LYST: variants seen among roughly 807,000 people sequenced by gnomAD.
LYST encodes lysosomal-trafficking regulator.
A neutral mutation model predicts 413.6 loss-of-function variants in LYST; 192 were observed. The observed-to-expected ratio is 0.46, with a 90% confidence interval of 0.41 to 0.52. LYST has a LOEUF of 0.52. LYST is among the 20% of genes least tolerant of loss of function. The pLI is 0.00. For synonymous variants in LYST, 1,525 were observed against 1,567.3 expected, an observed-to-expected ratio of 0.97 and a Z score of 0.64; for missense variants, 3,815 against 4,499.9, an observed-to-expected ratio of 0.85 and a Z score of 4.35.
chr1:235,709,320 G>T lies in LYST; in HGVS notation c.9926-12C>A. On this transcript the variant is annotated splice_polypyrimidine_tract_variant and intron_variant, in intron 43 of 52. Coordinates refer to ENST00000389793, the MANE Select transcript of LYST (RefSeq NM_000081.4). The stretch of plus-strand genomic sequence containing the variant: ...ACCAAAATCAAAACCTAAAAGAGAA[G>T]ATTAATATTAATATTTAACTCCCCC... 6.3e-7 allele frequency: 1 copy of T among 1,590,714 alleles called. No individual in the cohort carries two copies. Among genetic ancestry groups the T allele is most frequent in the Non-Finnish European group, 8.6e-7 (1 of 1,165,212 alleles).
intron 39 of LYST, among the ~76,000 whole-genome samples, chr1:235,721,115 G>A (rs1663327871): frequency 6.6e-6 from 1 of 151,986 alleles, no homozygotes; most frequent in African/African-American, 2.4e-5. Context: ...ATGCTTTACT[G>A]CTGCAGAAAT....
At position 235,823,218 on chromosome 1, in the gene LYST, G is replaced by A. The variant is rs532512679; in HGVS notation, c.192+7008C>T. Reference sequence around the variant, plus strand: ...ACTCTCCATGGATAGCACCACTGTCGAGTGGTTAAGATTTCCACTGTGATC... The same window carrying A: ...ACTCTCCATGGATAGCACCACTGTCAAGTGGTTAAGATTTCCACTGTGATC... On this transcript the variant is annotated intron_variant, in intron 3 of 52. Transcript: ENST00000389793. 2.8e-4 allele frequency among the ~76,000 whole-genome samples: 43 copies of A among 151,884 alleles called. No individual in the cohort carries two copies. In the South Asian group the frequency reaches 8.5e-3, roughly 30 times the overall value.
At chr1:235,873,636 G>C (rs938936926) in intron 1 of LYST, among the ~76,000 whole-genome samples, 1 of 152,114 alleles carries the variant, frequency 6.6e-6, no homozygotes, top group Admixed American at 6.5e-5. Context: ...GTCTATTATT[G>C]AGCATAATTC....
In LYST at chr1:235,778,149, T is replaced by C. The variant is rs181442569; in HGVS notation, c.5215-841A>G. 3.5e-3 allele frequency among the ~76,000 whole-genome samples: 514 copies of C among 144,902 alleles called. 2 individuals carry two copies. The highest frequency in any genetic ancestry group is 7.1e-3 in the Middle Eastern group (2 of 280). On this transcript the variant is annotated intron_variant, in intron 16 of 52. Coordinates refer to ENST00000389793, the MANE Select transcript of LYST (RefSeq NM_000081.4). Reference sequence around the variant, plus strand: ...TTTGTAGAGACATGGTCTTGTTATGTTGCCCAGGCTAGTCTCAAACCCTTG... The same window carrying C: ...TTTGTAGAGACATGGTCTTGTTATGCTGCCCAGGCTAGTCTCAAACCCTTG...
intron 31 of LYST, among the ~76,000 whole-genome samples, chr1:235,739,672 A>G (rs1396484397): frequency 2.6e-5 from 4 of 152,118 alleles, no homozygotes; most frequent in African/African-American, 9.7e-5. Context: ...GTTCTTCCCT[A>G]TAGTAAAGTC....
In LYST at chr1:235,806,455, T is replaced by C. The variant is rs1436434904; in HGVS notation, c.2681A>G (p.His894Arg). Residue 894 changes from histidine (H) to arginine (R), a missense_variant, in exon 6 of 53, where the codon CAT becomes CGT. Physicochemically the swap from His to Arg is conservative, Grantham distance 29. Transcript: ENST00000389793. The part of the protein sequence containing the change: ...KRRKTVNQDV[H>R]INTINLFLCV... ...GAGGAATAGGTTTATTGTGTTGATA[T>C]GAACATCTTGGTTAACAGTCTTCCG... is the stretch of plus-strand genomic sequence containing the variant. 1.9e-6 allele frequency: 3 copies of C among 1,614,014 alleles called. No homozygotes were observed. The highest frequency in any genetic ancestry group is 2.5e-6 in the Non-Finnish European group (3 of 1,180,004).
In LYST at chr1:235,712,186, C is replaced by A; in HGVS notation, c.9796G>T (p.Asp3266Tyr). The change falls in exon 43 of 53, where the codon GAC (aspartate) becomes TAC (tyrosine). Residue 3266 changes from aspartate (D) to tyrosine (Y), a missense_variant. Asp to Tyr is a radical substitution (Grantham distance 160). Around this residue, in one of 4 missense-constraint regions of LYST, gnomAD observed 866 missense variants for 1,156.0 expected, o/e 0.75. Transcript: ENST00000389793. ...MFLAYQDQSF[D>Y]IPDRTFHSTN... ...GAATGAAAAGTTCTGTCTGGAATGT[C>A]AAAACTTTGATCTATAAAAAAATAC... 1 of 1,582,126 alleles carries A rather than the reference C, an allele frequency of 6.3e-7. No homozygotes were observed. The highest frequency in any genetic ancestry group is 1.1e-5 in the South Asian group (1 of 87,568).
Position 235,806,652 on chromosome 1 carries a change from C to T in LYST, c.2484G>A (p.Gly828=). 6.2e-7 allele frequency: 1 copy of T among 1,613,892 alleles called. No individual in the cohort carries two copies. Residue 828 remains glycine (G), a synonymous_variant, in exon 6 of 53, where the codon GGG becomes GGA. Coordinates refer to ENST00000389793, the MANE Select transcript of LYST (RefSeq NM_000081.4). The part of the protein sequence containing the change: ...KAFETLIISL[G]EQQKDASVPD... ...GAACTGAGGCATCTTTCTGTTGCTC[C>T]CCTAGGCTGATTATCAGAGTTTCAA...
intron 16 of LYST, among the ~76,000 whole-genome samples, chr1:235,778,684 G>T (rs931249374): frequency 1.3e-5 from 2 of 151,986 alleles, no homozygotes; most frequent in Admixed American, 6.6e-5. Context: ...ACCGTGCCTG[G>T]CCTGTGCTTT....
intron 22 of LYST, among the ~76,000 whole-genome samples, chr1:235,760,870 GA>G (rs1667511084): frequency 6.6e-6 from 1 of 151,982 alleles, no homozygotes; most frequent in East Asian, 1.9e-4. Flanking sequence ...AAAAGATCTG[GA>G]AAAAATGGGG....
At chr1:235,800,451 G>A (rs1031660202) in intron 9 of LYST, 65 bp from the exon 10 acceptor site, 11 of 898,014 alleles carry the variant, frequency 1.2e-5, no homozygotes, top group Admixed American at 1.7e-5. Context: ...CAACTGCAAT[G>A]TCATAATAAA....
Position 235,757,600 on chromosome 1 carries a change from T to C in LYST, c.6882-142A>G, listed in dbSNP as rs1667163145. 3 of 705,228 alleles carry C rather than the reference T, an allele frequency of 4.3e-6. No individual in the cohort carries two copies. The East Asian group carries it at 8.0e-5, about 19-fold the overall frequency. 43.7% of individuals were successfully genotyped at this position (705,228 alleles called of 1,614,324 possible). ...CTTAAGAAATGTTTCCTAATTTAAC[T>C]GTGATTAACAAATTTACCATCACTT... On this transcript the variant is annotated intron_variant, in intron 23 of 52. Coordinates refer to ENST00000389793, the MANE Select transcript of LYST (RefSeq NM_000081.4).
At chr1:235,863,581 C>T (rs1245367302) in intron 1 of LYST, among the ~76,000 whole-genome samples, 1 of 151,538 alleles carries the variant, frequency 6.6e-6, no homozygotes, top group Non-Finnish European at 1.5e-5. Flanking sequence ...AAATTCCAGA[C>T]TATATGGCTC....
At chr1:235,819,839 G>A (rs1674560177) in intron 3 of LYST, among the ~76,000 whole-genome samples, 1 of 151,962 alleles carries the variant, frequency 6.6e-6, no homozygotes, top group African/African-American at 2.4e-5. Context: ...GTAGAGATGG[G>A]GTATCACCGT....
At chr1:235,767,875 A>G (rs542034376) in intron 20 of LYST, among the ~76,000 whole-genome samples, 1 of 152,036 alleles carries the variant, frequency 6.6e-6, no homozygotes. Flanking sequence ...TGAACTTTCT[A>G]TATCATTTGG....
intron 24 of LYST, among the ~76,000 whole-genome samples, chr1:235,756,328 T>G (rs1667049786): frequency 6.6e-6 from 1 of 152,188 alleles, no homozygotes; most frequent in Non-Finnish European, 1.5e-5. Context: ...CCATGAATCC[T>G]TCCGTTTCCC....
chr1:235,692,203 C>T (rs1004920508), intron 47 of LYST, among the ~76,000 whole-genome samples: 1 of 151,510 alleles, frequency 6.6e-6, no homozygotes, highest in East Asian at 2.0e-4. Flanking sequence ...TGTGGTGGCA[C>T]ATGCCTGTAG....
intron 47 of LYST, among the ~76,000 whole-genome samples, chr1:235,691,585 A>C (rs1167071990): frequency 2.0e-5 from 3 of 152,184 alleles, no homozygotes; most frequent in African/African-American, 7.2e-5. Context: ...ACTGATGTTG[A>C]GCAGGAGATT....
intron 46 of LYST, among the ~76,000 whole-genome samples, chr1:235,695,629 A>ATTTTTT (rs148101450): frequency 1.9e-4 from 22 of 116,418 alleles, no homozygotes; most frequent in African/African-American, 6.1e-4. Context: ...CAGTACTCTA[A>ATTTTTT]TTTTTTTTTT....
Sources: gnomAD v4.1 joint callset for allele counts (sites outside exome capture counted in the v4.1 genomes callset) on GRCh38, gnomAD v4.1.1 for gene constraint, gnomAD v4.1.1 regional missense constraint, MANE v1.5 for transcripts, NCBI Gene and HGNC (gene_info 2026-07-23, HGNC 2026-07-21) for gene names.